CNIH3: variants seen among roughly 807,000 people sequenced by gnomAD.
CNIH3 encodes cornichon family AMPA receptor auxiliary protein 3.
A neutral mutation model predicts 24.1 loss-of-function variants in CNIH3; 14 were observed. The ratio of observed to expected loss-of-function variants is 0.58; its 90% CI spans 0.38 to 0.91. The LOEUF (loss-of-function observed/expected upper bound fraction) is 0.91, where lower values mean the gene tolerates loss of function less well. Among genes scored for constraint, CNIH3 ranks in the 40% least tolerant of loss-of-function variants. The pLI, the probability that CNIH3 is intolerant of heterozygous loss-of-function variation, is 0.00. For missense variants in CNIH3, 178 were observed against 196.8 expected (o/e 0.90, Z 0.57); for synonymous variants, 68 against 73.8 (o/e 0.92, Z 0.40).
chr1:224,435,447 T>G (rs917081196), intron 1 of CNIH3, among the ~76,000 whole-genome samples: 2 of 152,134 alleles, frequency 1.3e-5, no homozygotes, highest in East Asian at 1.9e-4. Flanking sequence ...GAGCATATCT[T>G]ATGGGGACAA....
At chr1:224,574,414 G>T in intron 4 of CNIH3, 1 of 573,920 alleles carries the variant, frequency 1.7e-6, no homozygotes, top group Non-Finnish European at 3.1e-6. Context: ...CTGGGTGGGG[G>T]TCTGGAGAGT....
intron 3 of CNIH3, among the ~76,000 whole-genome samples, chr1:224,708,863 A>G (rs1249743554): frequency 6.6e-6 from 1 of 152,244 alleles, no homozygotes; most frequent in Non-Finnish European, 1.5e-5. Flanking sequence ...CCTGTGGATC[A>G]GAGATGTCCT....
At chr1:224,685,636 C>T (rs1013220282) in intron 3 of CNIH3, among the ~76,000 whole-genome samples, 2 of 152,166 alleles carry the variant, frequency 1.3e-5, no homozygotes, top group African/African-American at 4.8e-5. Flanking sequence ...TTTTTTGAGC[C>T]TTACATGAAT....
At chr1:224,437,834 T>C (rs1007886149) in intron 1 of CNIH3, among the ~76,000 whole-genome samples, 1 of 151,994 alleles carries the variant, frequency 6.6e-6, no homozygotes, top group African/African-American at 2.4e-5. Context: ...TATAAGCCAG[T>C]CCAGACTAGA....
chr1:224,468,824 CAAAA>C (rs1214427002), intron 1 of CNIH3, among the ~76,000 whole-genome samples: 7 of 104,486 alleles, frequency 6.7e-5, no homozygotes, highest in Admixed American at 9.8e-5. Context: ...GACCCTGTCT[CAAAA>C]AAAAAAAAAA....
chr1:224,601,677 C>G (rs1682216542), intron 3 of CNIH3, among the ~76,000 whole-genome samples: 1 of 152,254 alleles, frequency 6.6e-6, no homozygotes. Flanking sequence ...TTCACAGTAC[C>G]TAGATAGTGG....
intron 3 of CNIH3, among the ~76,000 whole-genome samples, chr1:224,594,553 A>T (rs1256508476): frequency 6.6e-6 from 1 of 152,200 alleles, no homozygotes; most frequent in Non-Finnish European, 1.5e-5. Flanking sequence ...ACCACAAGGG[A>T]AAGCACCAGT....
chr1:224,731,496 G>T (rs184944049), intron 4 of CNIH3, among the ~76,000 whole-genome samples: 6 of 152,346 alleles, frequency 3.9e-5, no homozygotes, highest in Non-Finnish European at 5.9e-5. Context: ...ACCCTTTGCT[G>T]CCAGAGCATT....
intron 1 of CNIH3, among the ~76,000 whole-genome samples, chr1:224,461,039 G>A (rs1675891461): frequency 6.8e-6 from 1 of 147,364 alleles, no homozygotes; most frequent in African/African-American, 2.5e-5. Context: ...GTCTCACTCT[G>A]TCACCCAGCC....
In CNIH3 at chr1:224,701,487, C is replaced by T. The variant is rs183948193; in HGVS notation, c.198+16644C>T. On this transcript the variant is annotated intron_variant, in intron 3 of 5. Transcript: ENST00000272133. ...CCTTTATCAGGACACTAATCCCATT[C>T]ACGAGGGCTCCACCCTCATGTTGTC... 6.5e-3 allele frequency among the ~76,000 whole-genome samples: 984 copies of T among 152,210 alleles called. 11 individuals carry two copies. The highest frequency in any genetic ancestry group is 0.022 in the African/African-American group (921 of 41,536).
In CNIH3 at chr1:224,575,106, C is replaced by T; in HGVS notation, n.517-8058C>T. The T allele has an allele frequency of 6.7e-6, 6 of 890,472 alleles. No individual in the cohort carries two copies. The South Asian group carries it at 7.8e-5, about 12-fold the overall frequency. The allele number at this position is 890,472 out of a possible 1,614,324, so 55.2% of individuals were successfully genotyped here. ...CTCCCCCGACAGGCCCTGGGCCAAG[C>T]CTGAGGACCCTTCCCTCCTGGAAGA... On this transcript the variant is annotated intron_variant and non_coding_transcript_variant, in intron 4 of 5. Transcript: ENST00000471578.
chr1:224,461,284 T>C (rs1675903435), intron 1 of CNIH3, among the ~76,000 whole-genome samples: 1 of 152,236 alleles, frequency 6.6e-6, no homozygotes, highest in Non-Finnish European at 1.5e-5. Flanking sequence ...ATTACAGGCA[T>C]GAGCCACTGT....
At chr1:224,686,884 A>C (rs1271226958) in intron 3 of CNIH3, among the ~76,000 whole-genome samples, 1 of 152,240 alleles carries the variant, frequency 6.6e-6, no homozygotes, top group African/African-American at 2.4e-5. Flanking sequence ...TATCGTTTGC[A>C]TAAGTTCCTA....
intron 1 of CNIH3, chr1:224,435,654 C>T (rs1321061743): frequency 6.6e-6 from 1 of 152,198 alleles, no homozygotes; most frequent in East Asian, 1.9e-4. Flanking sequence ...TTCAGGCACC[C>T]ATTCAGATCC....
intron 1 of CNIH3, among the ~76,000 whole-genome samples, chr1:224,446,419 C>T (rs1300716253): frequency 6.6e-6 from 1 of 152,114 alleles, no homozygotes; most frequent in Non-Finnish European, 1.5e-5. Flanking sequence ...TCTCTACTTA[C>T]ATAGTTCTTT....
At chr1:224,472,782 T>C (rs1456415597) in intron 1 of CNIH3, among the ~76,000 whole-genome samples, 2 of 152,256 alleles carry the variant, frequency 1.3e-5, no homozygotes, top group Non-Finnish European at 2.9e-5. Flanking sequence ...AAAAATCCTA[T>C]TGAAATAAAA....
chr1:224,723,685 G>A (rs1688865150), intron 3 of CNIH3, among the ~76,000 whole-genome samples: 1 of 152,222 alleles, frequency 6.6e-6, no homozygotes. Context: ...TTTCCTTCGT[G>A]TTCCTGGTGC....
chr1:224,669,839 G>A (rs1449661410), intron 1 of CNIH3, among the ~76,000 whole-genome samples: 1 of 152,138 alleles, frequency 6.6e-6, no homozygotes, highest in Non-Finnish European at 1.5e-5. Flanking sequence ...TAAGCACCTT[G>A]CCCATAGTCA....
downstream of CNIH3, among the ~76,000 whole-genome samples, chr1:224,539,663 A>G (rs1282645408): frequency 6.6e-6 from 1 of 152,138 alleles, no homozygotes; most frequent in Non-Finnish European, 1.5e-5. Context: ...GCCATACTGC[A>G]CTACTTGCCC....
Sources: gnomAD v4.1 joint callset for allele counts (sites outside exome capture counted in the v4.1 genomes callset) on GRCh38, gnomAD v4.1.1 for gene constraint, MANE v1.5 for transcripts, NCBI Gene and HGNC (gene_info 2026-07-23, HGNC 2026-07-21) for gene names.